SEMA5A: variants seen among roughly 807,000 people sequenced by gnomAD.
The protein encoded by SEMA5A is semaphorin 5A.
A neutral mutation model predicts 135.5 loss-of-function variants in SEMA5A; 55 were observed. The ratio of observed to expected loss-of-function variants is 0.41; its 90% CI spans 0.33 to 0.51. The LOEUF (loss-of-function observed/expected upper bound fraction) is 0.51, where lower values mean the gene tolerates loss of function less well. Among genes scored for constraint, SEMA5A ranks in the 20% least tolerant of loss-of-function variants. SEMA5A has a pLI of 0.37. For synonymous variants in SEMA5A, 580 were observed against 546.5 expected (o/e 1.06, Z -0.85); for missense variants, 1,290 against 1,419.9 (o/e 0.91, Z 1.47).
intron 5 of SEMA5A, among the ~76,000 whole-genome samples, chr5:9,242,341 G>A (rs1748245851): frequency 6.6e-6 from 1 of 151,932 alleles, no homozygotes; most frequent in South Asian, 2.1e-4. Flanking sequence ...TGCATTGAAC[G>A]AAAAAAGGCA....
At chr5:9,308,972 T>G (rs985734151) in intron 5 of SEMA5A, among the ~76,000 whole-genome samples, 2 of 152,170 alleles carry the variant, frequency 1.3e-5, no homozygotes, top group East Asian at 3.9e-4. Context: ...TAAAGTTACA[T>G]CAAATAAGCA....
intron 3 of SEMA5A, among the ~76,000 whole-genome samples, chr5:9,369,969 T>A (rs1755069729): frequency 6.6e-6 from 1 of 152,372 alleles, no homozygotes; most frequent in South Asian, 2.1e-4. Context: ...ATCTTATTAT[T>A]GTCTGACTCT....
At chr5:9,424,639 G>C (rs565539345) in intron 2 of SEMA5A, among the ~76,000 whole-genome samples, 1 of 152,080 alleles carries the variant, frequency 6.6e-6, no homozygotes, top group Non-Finnish European at 1.5e-5. Flanking sequence ...GAACTGTTGC[G>C]TTTCCCTCCA....
At chr5:9,352,936 C>T (rs375104632) in intron 3 of SEMA5A, among the ~76,000 whole-genome samples, 1 of 151,718 alleles carries the variant, frequency 6.6e-6, no homozygotes, top group African/African-American at 2.4e-5. Context: ...ACTATACCAA[C>T]CCCTGCTCTA....
rs544987079 is a variant in SEMA5A at position 9,422,992 on chromosome 5, G to A, written c.-78+14764C>T. On this transcript the variant is annotated intron_variant, in intron 2 of 22. Coordinates refer to ENST00000382496, the MANE Select transcript of SEMA5A (RefSeq NM_003966.3). ...TCTAACAGACTGCTTGCAAGCCAGC[G>A]TTAAAGACCTTGAACAGTTGATGCA... Among the ~76,000 whole-genome samples the A allele has an allele frequency of 2.7e-3, 405 of 152,296 alleles. 1 individual carries two copies. The highest frequency in any genetic ancestry group is 5.6e-3 in the South Asian group (27 of 4,826).
chr5:9,541,054 C>T (rs1483330907), intron 1 of SEMA5A, among the ~76,000 whole-genome samples: 1 of 152,174 alleles, frequency 6.6e-6, no homozygotes, highest in African/African-American at 2.4e-5. Context: ...TCCATGAGTA[C>T]ATCATACATC....
At chr5:9,466,215 G>A (rs1303988060) in intron 1 of SEMA5A, among the ~76,000 whole-genome samples, 1 of 151,068 alleles carries the variant, frequency 6.6e-6, no homozygotes, top group African/African-American at 2.4e-5. Context: ...ACCGGGGACT[G>A]TTGTGGGGTG....
In SEMA5A at chr5:9,167,516, A is replaced by C. The variant is rs116190364; in HGVS notation, c.1274-12821T>G. Reference sequence around the variant, plus strand: ...ATCTCTTCACCCACAATTGCAGCTCATTTCAATGTCTCCCCCTTTCCAGAA... The same window carrying C: ...ATCTCTTCACCCACAATTGCAGCTCCTTTCAATGTCTCCCCCTTTCCAGAA... On this transcript the variant is annotated intron_variant, in intron 11 of 22. Transcript: ENST00000382496. Among the ~76,000 whole-genome samples the C allele has an allele frequency of 3.2e-3, 481 of 152,212 alleles. 3 individuals are homozygous for C. Among genetic ancestry groups the C allele is most frequent in the African/African-American group, 0.011 (468 of 41,538 alleles).
In SEMA5A at chr5:9,112,191, A is replaced by C. The variant is rs151248387; in HGVS notation, c.1926-3904T>G. ...CTGCTTATTCTCATTTTGTATTTAA[A>C]AGTCAATTAATGACCTAGCACTGTT... On this transcript the variant is annotated intron_variant, in intron 15 of 22. Transcript: ENST00000382496. Among the ~76,000 whole-genome samples, 4 of 152,338 alleles carry C rather than the reference A, an allele frequency of 2.6e-5. No individual in the cohort carries two copies. The East Asian group carries it at 7.7e-4, about 29-fold the overall frequency.
chr5:9,472,208 T>C (rs1378348851), intron 1 of SEMA5A, among the ~76,000 whole-genome samples: 2 of 152,220 alleles, frequency 1.3e-5, no homozygotes, highest in Non-Finnish European at 2.9e-5. Context: ...CTCTGGGAAA[T>C]ATTTCCTCCA....
Position 9,157,505 on chromosome 5 carries a change from T to C in SEMA5A, c.1274-2810A>G, listed in dbSNP as rs546244362. Among the ~76,000 whole-genome samples the C allele has an allele frequency of 1.3e-5, 2 of 152,048 alleles. 1 individual carries two copies. Among genetic ancestry groups the C allele is most frequent in the South Asian group, 4.2e-4 (2 of 4,804 alleles). ...CAGGGCCGATGATGGGACCTCTCCTTCCCTGTCACCCACAGCTCACCTAGT... is the reference window on the plus strand; with the variant it reads ...CAGGGCCGATGATGGGACCTCTCCTCCCCTGTCACCCACAGCTCACCTAGT... On this transcript the variant is annotated intron_variant, in intron 11 of 22. Transcript: ENST00000382496.
intron 5 of SEMA5A, among the ~76,000 whole-genome samples, chr5:9,312,646 G>A (rs189775741): frequency 6.6e-6 from 1 of 152,076 alleles, no homozygotes; most frequent in African/African-American, 2.4e-5. Context: ...ATTCACTCAG[G>A]GTAACAGAGT....
chr5:9,074,954 C>T (rs2150089073), intron 16 of SEMA5A, among the ~76,000 whole-genome samples: 1 of 152,276 alleles, frequency 6.6e-6, no homozygotes, highest in African/African-American at 2.4e-5. Flanking sequence ...ACTCAATTTT[C>T]AGAATGCTAC....
chr5:9,479,479 C>A (rs1016856307), intron 1 of SEMA5A, among the ~76,000 whole-genome samples: 61 of 152,292 alleles, frequency 4.0e-4, no homozygotes, highest in African/African-American at 1.4e-3. Context: ...GACGTGGGCT[C>A]TGCAGCTTAT....
chr5:9,187,848 G>A (rs1048834980), intron 11 of SEMA5A, among the ~76,000 whole-genome samples: 3 of 152,210 alleles, frequency 2.0e-5, no homozygotes, highest in Non-Finnish European at 2.9e-5. Context: ...GAATCCCTGC[G>A]GCAGCTGAGT....
intron 11 of SEMA5A, among the ~76,000 whole-genome samples, chr5:9,167,852 A>T (rs1288953826): frequency 1.3e-5 from 2 of 152,182 alleles, no homozygotes; most frequent in African/African-American, 4.8e-5. Flanking sequence ...TGCTCTCGGG[A>T]TACAGTAGGC....
intron 5 of SEMA5A, chr5:9,265,645 C>A (rs1749648437): frequency 4.6e-6 from 2 of 431,398 alleles, no homozygotes; most frequent in Non-Finnish European, 9.4e-6. Context: ...GGATCCCTCC[C>A]TCACGAATAA....
chr5:9,338,970 C>T (rs1246748886), intron 3 of SEMA5A, among the ~76,000 whole-genome samples: 2 of 152,026 alleles, frequency 1.3e-5, no homozygotes, highest in Non-Finnish European at 2.9e-5. Flanking sequence ...GAAGTGATAT[C>T]AAGTAAAATT....
intron 2 of SEMA5A, among the ~76,000 whole-genome samples, chr5:9,404,666 G>T (rs548314669): frequency 8.2e-4 from 125 of 152,298 alleles, no homozygotes; most frequent in African/African-American, 2.8e-3. Flanking sequence ...CCATTCCAGT[G>T]TCCCGTTGTA....
Sources: allele counts gnomAD v4.1 joint callset (sites outside exome capture counted in the v4.1 genomes callset), GRCh38; gene constraint gnomAD v4.1.1; transcripts MANE v1.5; gene names NCBI Gene and HGNC (gene_info 2026-07-23, HGNC 2026-07-21).